The following ATP13A2 variants were observed in gnomAD, a reference collection of about 807,000 sequenced individuals.
ATP13A2 encodes the protein polyamine-transporting ATPase 13A2.
ATP13A2 carries 83 observed loss-of-function variants against 138.3 expected under a neutral mutation model. The observed-to-expected ratio is 0.60, with a 90% CI of 0.50 to 0.72. The LOEUF is 0.72. Among genes scored for constraint, ATP13A2 ranks in the 30% least tolerant of loss-of-function variants. The pLI, the probability that ATP13A2 is intolerant of heterozygous loss-of-function variation, is 0.00. For synonymous variants in ATP13A2, 663 were observed against 699.0 expected (o/e 0.95, Z 0.81); for missense variants, 1,402 against 1,606.4 (o/e 0.87, Z 2.17).
rs574889436 is a variant in ATP13A2 at position 16,995,916 on chromosome 1, C to G, written c.1542+60G>C. 1.2e-6 allele frequency: 2 copies of G among 1,601,072 alleles called. No homozygotes were observed. The highest frequency in any genetic ancestry group is 8.5e-7 in the Non-Finnish European group (1 of 1,171,518). The stretch of plus-strand genomic sequence containing the variant: ...TGAGAGAATAACGCGGGTGTGGAGG[C>G]CTCACTGGGGCGCCTGTGGCTGTCC... On this transcript the variant is annotated intron_variant, in intron 15 of 28. Coordinates refer to ENST00000326735, the MANE Select transcript of ATP13A2 (RefSeq NM_022089.4). The surrounding 1 kb of genome is among the most constrained non-coding windows in gnomAD (Gnocchi z 4.1).
In ATP13A2 at chr1:16,997,151, GTC is replaced by G. The variant is rs2077160676; in HGVS notation, c.1062_1063del (p.Lys354AsnfsTer69). ...GGGCCCCAGCCCCTCCGGCAGTGCC[GTC>G]TTCAGCACTGGAATGCTCTCTCCTG... On this transcript the variant is annotated frameshift_variant, in exon 12 of 29. Coordinates refer to ENST00000326735, the MANE Select transcript of ATP13A2 (RefSeq NM_022089.4). LOFTEE classifies it high-confidence loss of function. 1 of 1,613,516 alleles carries G rather than the reference GTC, an allele frequency of 6.2e-7. No homozygotes were observed. Among genetic ancestry groups the G allele is most frequent in the Non-Finnish European group, 8.5e-7 (1 of 1,180,042 alleles).
rs2076877233 is a variant in ATP13A2 at position 16,990,136 on chromosome 1, A to G, written c.2403T>C (p.Asn801=). ...TCTGGGTTAGCCTCACCTTAACGCC[A>G]TTCACGGCTGTGGGGGACTCCATCG... ...FLPMESPTAV[N]GVKDPDQAAS... The change falls in exon 21 of 29, where the codon AAT becomes AAC. Residue 801 remains asparagine, a synonymous_variant. Transcript: ENST00000326735. 2 of 1,614,158 alleles carry G rather than the reference A, an allele frequency of 1.2e-6. No individual in the cohort carries two copies. The highest frequency in any genetic ancestry group is 8.5e-7 in the Non-Finnish European group (1 of 1,180,022).
intron 15 of ATP13A2, 56 bp from the exon 16 acceptor site, chr1:16,993,891 T>C: frequency 7.0e-7 from 1 of 1,431,474 alleles, no homozygotes; most frequent in Non-Finnish European, 9.3e-7. Flanking sequence ...GGTACCCTGC[T>C]GAGCTGGGCC....
intron 1 of ATP13A2, among the ~76,000 whole-genome samples, chr1:17,006,254 CT>C (rs57121858): frequency 4.1e-4 from 59 of 142,964 alleles, no homozygotes; most frequent in Non-Finnish European, 4.9e-4. Flanking sequence ...CTTACCGTAT[CT>C]TTTTTTTTTT....
At position 16,995,965 on chromosome 1, in the gene ATP13A2, T is replaced by A. The variant is rs1286184234; in HGVS notation, c.1542+11A>T. The A allele has an allele frequency of 1.2e-6, 2 of 1,613,750 alleles. No homozygotes were observed. The highest frequency in any genetic ancestry group is 1.7e-5 in the Admixed American group (1 of 60,012). ...CCCGCTCCCCTGCACCAACCCCACC[T>A]GCGGCCCCACCTTGTCGAAACACAC... On this transcript the variant is annotated intron_variant, in intron 15 of 28. Transcript: ENST00000326735. The surrounding 1 kb of genome is among the most constrained non-coding windows in gnomAD (Gnocchi z 4.1).
chr1:17,000,194 G>GGGCCCCCCCCCCCC, intron 10 of ATP13A2, 52 bp from the exon 11 acceptor site: 2 of 1,570,248 alleles, frequency 1.3e-6, no homozygotes, highest in Non-Finnish European at 1.7e-6. Flanking sequence ...CCCCAGCCAT[G>GGGCCCCCCCCCCCC]CCCCCCCACC....
At chr1:17,005,809 G>A (rs1195087906) in intron 1 of ATP13A2, 31 bp from the exon 2 acceptor site, 1 of 1,573,532 alleles carries the variant, frequency 6.4e-7, no homozygotes, top group Non-Finnish European at 8.7e-7. Context: ...GGTCATTTGG[G>A]GAGGCACCTT....
intron 1 of ATP13A2, among the ~76,000 whole-genome samples, chr1:17,008,940 G>A (rs1347737751): frequency 6.7e-6 from 1 of 148,600 alleles, no homozygotes. Flanking sequence ...CTCCAGCCAG[G>A]GTGACAGAGC....
In ATP13A2 at chr1:16,986,815, G is replaced by C. The variant is rs1423139551; in HGVS notation, c.3225C>G (p.Leu1075=). ...CGCCCGCAGTGGCACCATTGGTGTA[G>C]AGCGGCCGGCGGAAGGGCGCCCCCT... The part of the protein sequence containing the change: ...VSKGAPFRRP[L]YTNVPFLVAL... Residue 1075 remains leucine, a synonymous_variant, in exon 27 of 29, where the codon CTC becomes CTG. Coordinates refer to ENST00000326735, the MANE Select transcript of ATP13A2 (RefSeq NM_022089.4). This position sits in a 1 kb window ranked among gnomAD's most constrained non-coding sequence, Gnocchi z 6.9. The C allele has an allele frequency of 1.2e-6, 2 of 1,613,282 alleles. No individual in the cohort carries two copies. The highest frequency in any genetic ancestry group is 2.2e-5 in the East Asian group (1 of 44,840).
At chr1:16,989,597 G>C in intron 23 of ATP13A2, 94 bp downstream of exon 23, 1 of 1,275,314 alleles carries the variant, frequency 7.8e-7, no homozygotes, top group South Asian at 1.2e-5. Context: ...TGCCTGAGGA[G>C]GGAGACAGGG....
At chr1:16,991,683 G>C in intron 20 of ATP13A2, 51 bp downstream of exon 20, 6 of 1,613,532 alleles carry the variant, frequency 3.7e-6, no homozygotes, top group Non-Finnish European at 5.1e-6. Flanking sequence ...TTCTCTGCCA[G>C]GAAGGGGCGG....
intron 16 of ATP13A2, among the ~76,000 whole-genome samples, chr1:16,993,396 T>A (rs894102474): frequency 2.6e-5 from 4 of 152,122 alleles, no homozygotes; most frequent in African/African-American, 7.2e-5. Flanking sequence ...TTGGCAGAGA[T>A]GGGGTTTTGC....
intron 23 of ATP13A2, 79 bp downstream of exon 23, chr1:16,989,612 G>C: frequency 6.9e-7 from 1 of 1,449,744 alleles, no homozygotes; most frequent in Non-Finnish European, 9.7e-7. Context: ...ACAGGGCCCT[G>C]GGGAAGGACA....
intron 11 of ATP13A2, among the ~76,000 whole-genome samples, chr1:16,999,239 G>T (rs148583166): frequency 1.8e-3 from 269 of 152,084 alleles, no homozygotes; most frequent in African/African-American, 6.3e-3. Context: ...AATTAGCCGG[G>T]TATGGTGGCG....
intron 25 of ATP13A2, 132 bp downstream of exon 25, chr1:16,988,006 A>T: frequency 1.1e-6 from 1 of 870,200 alleles, no homozygotes; most frequent in East Asian, 2.5e-5. Flanking sequence ...CCAACCACAC[A>T]GCCGGAGAGT....
chr1:17,003,585 C>CCACACACACACACACACA (rs540533484), intron 6 of ATP13A2, among the ~76,000 whole-genome samples: 7 of 132,988 alleles, frequency 5.3e-5, no homozygotes, highest in South Asian at 2.4e-4. Context: ...ACCAAAAAAA[C>CCACACACACACACACACA]CACACACACA....
At position 16,986,053 on chromosome 1, in the gene ATP13A2, G is replaced by C; in HGVS notation, c.*168C>G. 1.3e-6 allele frequency: 2 copies of C among 1,506,250 alleles called. No individual in the cohort carries two copies. The highest frequency in any genetic ancestry group is 1.8e-6 in the Non-Finnish European group (2 of 1,124,886). 93.3% of individuals were successfully genotyped at this position (1,506,250 alleles called of 1,614,324 possible). ...CTACGCGGGATGGTCCAAGGTAGGGGACAGTAGTCAACGCTTCCCCAGGGT... is the reference window on the plus strand; with the variant it reads ...CTACGCGGGATGGTCCAAGGTAGGGCACAGTAGTCAACGCTTCCCCAGGGT... On this transcript the variant is annotated 3_prime_UTR_variant, in exon 29 of 29. Transcript: ENST00000326735. This position sits in a 1 kb window ranked among gnomAD's most constrained non-coding sequence, Gnocchi z 6.9.
intron 15 of ATP13A2, among the ~76,000 whole-genome samples, chr1:16,994,668 T>A (rs1250463685): frequency 6.6e-6 from 1 of 151,144 alleles, no homozygotes; most frequent in Non-Finnish European, 1.5e-5. Flanking sequence ...CCCCGGTTTA[T>A]TTATTTTTTT....
In ATP13A2 at chr1:16,987,089, C is replaced by A; in HGVS notation, c.3040G>T (p.Gly1014Cys). ...SLLLQMVLVT[G>C]VQLGGYFLTL... ...AGGAAGTAGCCCCCTAGCTGCACGC[C>A]GGTCACCAGGACCATCTGCAGCAGC... Residue 1014 changes from glycine (G) to cysteine (C), a missense_variant, in exon 26 of 29, where the codon GGC becomes TGC. Transcript: ENST00000326735. 6.2e-7 allele frequency: 1 copy of A among 1,613,428 alleles called. No homozygotes were observed.
Sources: gnomAD v4.1 joint callset for allele counts (sites outside exome capture counted in the v4.1 genomes callset) on GRCh38, gnomAD v4.1.1 for gene constraint, Gnocchi (gnomAD v3.1) non-coding constraint, MANE v1.5 for transcripts, NCBI Gene and HGNC (gene_info 2026-07-23, HGNC 2026-07-21) for gene names.